WDFY2: variants seen among roughly 807,000 people sequenced by gnomAD.
WDFY2 encodes WD repeat and FYVE domain-containing protein 2.
A neutral mutation model predicts 56.4 loss-of-function variants in WDFY2; 36 were observed. That is an observed-to-expected ratio of 0.64 (90% CI 0.49 to 0.84). WDFY2 has a LOEUF of 0.84. Among genes scored for constraint, WDFY2 ranks in the 40% least tolerant of loss-of-function variants. The pLI, the probability that WDFY2 is intolerant of heterozygous loss-of-function variation, is 0.00. For missense variants in WDFY2, 444 were observed against 512.2 expected (o/e 0.87, Z 1.29); for synonymous variants, 176 against 183.7 (o/e 0.96, Z 0.34).
chr13:51,622,722 A>G (rs999129279), intron 1 of WDFY2, among the ~76,000 whole-genome samples: 1 of 152,228 alleles, frequency 6.6e-6, no homozygotes, highest in African/African-American at 2.4e-5. Context: ...ACTGTTCTCA[A>G]AAAGTTCACA....
rs1034296303 is a variant in WDFY2 at position 51,761,682 on chromosome 13, C to T, written c.*1913C>T. 1 of 152,246 alleles carries T rather than the reference C, an allele frequency of 6.6e-6. No homozygotes were observed. The highest frequency in any genetic ancestry group is 1.5e-5 in the Non-Finnish European group (1 of 68,048). The allele number at this position is 152,246 out of a possible 1,614,324, so 9.4% of individuals were successfully genotyped here. On this transcript the variant is annotated 3_prime_UTR_variant, in exon 12 of 12. Transcript: ENST00000298125. ...CTTCTCTAACTAGGGGGAAGTACTA[C>T]AAGCTGTCCTCAGGTACTGCCCCTA...
At chr13:51,731,057 A>G (rs918828807) in intron 6 of WDFY2, among the ~76,000 whole-genome samples, 1 of 152,188 alleles carries the variant, frequency 6.6e-6, no homozygotes, top group Non-Finnish European at 1.5e-5. Context: ...GCTAGTAGGG[A>G]ACTGTCCCTT....
intron 1 of WDFY2, among the ~76,000 whole-genome samples, chr13:51,652,384 G>T (rs2138431315): frequency 6.6e-6 from 1 of 152,246 alleles, no homozygotes; most frequent in South Asian, 2.1e-4. Flanking sequence ...TCTTTTAATT[G>T]GAGCATTTAG....
chr13:51,751,087 A>T (rs980817137), intron 7 of WDFY2, among the ~76,000 whole-genome samples: 9 of 152,052 alleles, frequency 5.9e-5, no homozygotes, highest in African/African-American at 2.2e-4. Flanking sequence ...TAACTGACAG[A>T]TTACCTCTTC....
intron 1 of WDFY2, chr13:51,592,061 G>A (rs960025516): frequency 1.3e-5 from 2 of 151,676 alleles, no homozygotes; most frequent in African/African-American, 2.4e-5. Context: ...GTTAATGGGT[G>A]TAGCACACCA....
chr13:51,590,340 T>C (rs1954019722), intron 1 of WDFY2: 1 of 152,202 alleles, frequency 6.6e-6, no homozygotes, highest in South Asian at 2.1e-4. Flanking sequence ...TTTAGAGAGA[T>C]GGCCTTTTCC....
In WDFY2 at chr13:51,584,606, C is replaced by T. The variant is rs997233544; in HGVS notation, c.-82C>T. On this transcript the variant is annotated 5_prime_UTR_variant, in exon 1 of 12. Transcript: ENST00000298125. The stretch of plus-strand genomic sequence containing the variant: ...GGCCAGCCAGAGTCTCTGTCTCAAC[C>T]TGTGTCCGTGCTCCAGCAGTCTCCT... 3 of 1,508,292 alleles carry T rather than the reference C, an allele frequency of 2.0e-6. No individual in the cohort carries two copies. The Admixed American group carries it at 6.7e-5, about 34-fold the overall frequency. 93.4% of individuals were successfully genotyped at this position (1,508,292 alleles called of 1,614,324 possible).
chr13:51,660,556 G>A (rs1188965676), intron 1 of WDFY2, 40 bp from the exon 2 acceptor site: 3 of 1,584,238 alleles, frequency 1.9e-6, no homozygotes, highest in Non-Finnish European at 2.6e-6. Context: ...CCATGGCTAA[G>A]AATAATGTGA....
chr13:51,683,123 A>C (rs1389900243), intron 3 of WDFY2, among the ~76,000 whole-genome samples: 2 of 152,216 alleles, frequency 1.3e-5, no homozygotes, highest in African/African-American at 4.8e-5. Flanking sequence ...TGAATGGATG[A>C]CTGGAGAAGA....
At chr13:51,712,979 A>G (rs990691514) in intron 4 of WDFY2, among the ~76,000 whole-genome samples, 3 of 152,326 alleles carry the variant, frequency 2.0e-5, no homozygotes, top group South Asian at 2.1e-4. Flanking sequence ...AATTTAATGT[A>G]TAGTTAAAAC....
intron 8 of WDFY2, 24 bp downstream of exon 8, chr13:51,751,439 T>G (rs181031742): frequency 6.2e-7 from 1 of 1,607,918 alleles, no homozygotes; most frequent in Non-Finnish European, 8.5e-7. Context: ...CAGGGTGGGG[T>G]GGGCCCTGTG....
At chr13:51,697,545 A>T (rs915517870) in intron 3 of WDFY2, among the ~76,000 whole-genome samples, 4 of 151,796 alleles carry the variant, frequency 2.6e-5, no homozygotes, top group Non-Finnish European at 5.9e-5. Flanking sequence ...AGGTGGGATG[A>T]TCATTTGAGC....
At chr13:51,704,461 G>T (rs530249451) in intron 4 of WDFY2, among the ~76,000 whole-genome samples, 1 of 152,148 alleles carries the variant, frequency 6.6e-6, no homozygotes, top group East Asian at 1.9e-4. Flanking sequence ...GAGAGGATAC[G>T]GATGGTAAGC....
chr13:51,725,058 GAATA>G (rs1287407402), intron 5 of WDFY2, among the ~76,000 whole-genome samples: 1 of 152,126 alleles, frequency 6.6e-6, no homozygotes, highest in African/African-American at 2.4e-5. Flanking sequence ...TTTTAAAAGA[GAATA>G]AATCATAAGT....
At chr13:51,655,454 G>A (rs1348895462) in intron 1 of WDFY2, among the ~76,000 whole-genome samples, 1 of 151,750 alleles carries the variant, frequency 6.6e-6, no homozygotes, top group African/African-American at 2.4e-5. Context: ...AGGGGTGTGT[G>A]TGTGTGTTCA....
In WDFY2 at chr13:51,642,165, A is replaced by G. The variant is rs149023206; in HGVS notation, c.138-18431A>G. ...TCATGTTCAGCCTTTCACATTTTCC[A>G]TATCTTTGTCTCTGTGAATACCGTA... On this transcript the variant is annotated intron_variant, in intron 1 of 11. Transcript: ENST00000298125. Among the ~76,000 whole-genome samples the G allele has an allele frequency of 2.8e-3, 424 of 151,950 alleles. 1 individual carries two copies. Among genetic ancestry groups the G allele is most frequent in the African/African-American group, 9.8e-3 (408 of 41,430 alleles).
intron 1 of WDFY2, chr13:51,590,554 A>G (rs966152228): frequency 6.6e-6 from 1 of 152,184 alleles, no homozygotes; most frequent in African/African-American, 2.4e-5. Context: ...ATTTAAGACT[A>G]CTGCAGGTGG....
At chr13:51,658,191 G>C (rs760963432) in intron 1 of WDFY2, among the ~76,000 whole-genome samples, 3 of 152,030 alleles carry the variant, frequency 2.0e-5, no homozygotes, top group Non-Finnish European at 4.4e-5. Context: ...AACTATTTTT[G>C]CAAATACTAT....
chr13:51,600,779 G>A (rs987534898), intron 1 of WDFY2, among the ~76,000 whole-genome samples: 10 of 152,148 alleles, frequency 6.6e-5, no homozygotes, highest in Admixed American at 5.2e-4. Flanking sequence ...CCCACTACTG[G>A]ACCCTATGGG....
Sources: gnomAD v4.1 joint callset for allele counts (sites outside exome capture counted in the v4.1 genomes callset) on GRCh38, gnomAD v4.1.1 for gene constraint, MANE v1.5 for transcripts, NCBI Gene and HGNC (gene_info 2026-07-23, HGNC 2026-07-21) for gene names.